DAB1: variants seen among roughly 807,000 people sequenced by gnomAD.
DAB1 encodes disabled homolog 1.
A neutral mutation model predicts 64.6 loss-of-function variants in DAB1; 15 were observed. That is an observed-to-expected ratio of 0.23 (90% CI 0.16 to 0.36). DAB1 has a LOEUF of 0.36. DAB1 is among the 10% of genes least tolerant of loss of function. DAB1 has a pLI of 1.00. For missense variants in DAB1, 596 were observed against 706.7 expected (o/e 0.84, Z 1.78); for synonymous variants, 235 against 251.9 (o/e 0.93, Z 0.64).
At chr1:58,394,841 T>C (rs1569723938) in intron 3 of DAB1, among the ~76,000 whole-genome samples, 1 of 152,176 alleles carries the variant, frequency 6.6e-6, no homozygotes, top group Non-Finnish European at 1.5e-5. Flanking sequence ...CATACTACTG[T>C]ACGTATTTGT....
chr1:57,357,924 G>A (rs1679250905), intron 1 of DAB1, among the ~76,000 whole-genome samples: 1 of 152,016 alleles, frequency 6.6e-6, no homozygotes, highest in South Asian at 2.1e-4. Flanking sequence ...TACAATTCAA[G>A]ATAAGATTTG....
intron 2 of DAB1, among the ~76,000 whole-genome samples, chr1:57,222,194 A>G (rs1468998825): frequency 2.6e-5 from 4 of 152,184 alleles, no homozygotes; most frequent in African/African-American, 7.2e-5. Context: ...AAAAGCTACA[A>G]TGGAACCCAA....
rs1370109680 is a variant in DAB1, at chr1:57,369,275, C to CAT, written c.-137+54653_-137+54654dup. Among the ~76,000 whole-genome samples, 6 of 152,158 alleles carry CAT rather than the reference C, an allele frequency of 3.9e-5. No individual in the cohort carries two copies. The East Asian group carries it at 1.2e-3, about 29-fold the overall frequency. On this transcript the variant is annotated intron_variant, in intron 1 of 14. Transcript: ENST00000371236. The stretch of plus-strand genomic sequence containing the variant: ...CAATGAGAGTAAAAACCCAATAAAC[C>CAT]ATATAATGGGGAAGGACAGGAAGGA...
chr1:57,020,799 T>C (rs1335585563), intron 11 of DAB1, among the ~76,000 whole-genome samples: 2 of 152,240 alleles, frequency 1.3e-5, no homozygotes, highest in South Asian at 2.1e-4. Flanking sequence ...GCAAAGTAAG[T>C]ATTATTTTAC....
intron 7 of DAB1, among the ~76,000 whole-genome samples, chr1:57,568,215 C>T (rs1570635247): frequency 6.6e-6 from 1 of 152,200 alleles, no homozygotes; most frequent in Non-Finnish European, 1.5e-5. Flanking sequence ...GGAAAACTGG[C>T]TAGCCATATG....
intron 4 of DAB1, among the ~76,000 whole-genome samples, chr1:58,228,101 G>T (rs527357993): frequency 8.5e-5 from 13 of 152,274 alleles, no homozygotes; most frequent in African/African-American, 3.1e-4. Flanking sequence ...CTTGGTATCC[G>T]AGATGAAAAA....
At chr1:57,976,499 T>C (rs1645923096) in intron 5 of DAB1, among the ~76,000 whole-genome samples, 1 of 152,202 alleles carries the variant, frequency 6.6e-6, no homozygotes, top group South Asian at 2.1e-4. Context: ...CAGTGAAATA[T>C]TAATAATTTC....
At chr1:57,105,915 G>T (rs1176864157) in intron 4 of DAB1, among the ~76,000 whole-genome samples, 1 of 152,172 alleles carries the variant, frequency 6.6e-6, no homozygotes, top group Admixed American at 6.5e-5. Context: ...CTGACTGTGG[G>T]AAACAGCATG....
intron 13 of DAB1, among the ~76,000 whole-genome samples, 176 bp downstream of exon 13, chr1:57,010,969 C>T (rs1030537030): frequency 2.4e-4 from 36 of 152,182 alleles, no homozygotes; most frequent in African/African-American, 7.7e-4. Context: ...AAAAGGCAGT[C>T]CTTTTCAGCT....
intron 2 of DAB1, chr1:58,506,330 A>G: frequency 1.7e-6 from 1 of 597,546 alleles, no homozygotes; most frequent in Non-Finnish European, 2.9e-6. Flanking sequence ...GTACATGTGC[A>G]CAACGTGCAG....
chr1:57,670,880 T>C (rs1157490572), intron 6 of DAB1, among the ~76,000 whole-genome samples: 1 of 152,114 alleles, frequency 6.6e-6, no homozygotes, highest in Non-Finnish European at 1.5e-5. Flanking sequence ...GGATCTCCCA[T>C]GGATACCAAA....
intron 1 of DAB1, among the ~76,000 whole-genome samples, chr1:57,347,530 T>C (rs1194394264): frequency 6.6e-6 from 1 of 152,224 alleles, no homozygotes; most frequent in Non-Finnish European, 1.5e-5. Context: ...ATTATTCCAA[T>C]GATCCACTTT....
intron 4 of DAB1, among the ~76,000 whole-genome samples, chr1:58,281,075 G>A (rs536674218): frequency 1.3e-5 from 2 of 152,274 alleles, no homozygotes; most frequent in East Asian, 1.9e-4. Flanking sequence ...TGGGGAAGAT[G>A]AGCAAGAAGG....
At chr1:58,039,796 G>A (rs1040609470) in intron 5 of DAB1, among the ~76,000 whole-genome samples, 1 of 151,996 alleles carries the variant, frequency 6.6e-6, no homozygotes, top group African/African-American at 2.4e-5. Flanking sequence ...TCTTTCTACA[G>A]GGATAATAAA....
intron 6 of DAB1, among the ~76,000 whole-genome samples, chr1:57,747,933 T>C (rs2101799782): frequency 6.6e-6 from 1 of 151,884 alleles, no homozygotes; most frequent in South Asian, 2.1e-4. Flanking sequence ...AGCAGGAAGT[T>C]TAAAGACTTG....
Position 58,092,383 on chromosome 1 carries a change from G to A in DAB1, n.387+58128C>T, listed in dbSNP as rs151138256. Among the ~76,000 whole-genome samples the A allele has an allele frequency of 6.8e-3, 1,036 of 151,684 alleles. 6 individuals carry two copies. The highest frequency in any genetic ancestry group is 1.0e-2 in the Non-Finnish European group (678 of 67,936). ...CACTTTCAAGGTAAGTTCTTTCCAT[G>A]CCCAGGGGCTTTGCTTCTCCTCTTC... On this transcript the variant is annotated intron_variant and non_coding_transcript_variant, in intron 5 of 20. Transcript: ENST00000485760.
At chr1:58,084,874 A>G (rs1046121042) in intron 5 of DAB1, among the ~76,000 whole-genome samples, 2 of 151,978 alleles carry the variant, frequency 1.3e-5, no homozygotes, top group Non-Finnish European at 2.9e-5. Context: ...GTCACAAGAA[A>G]TGTGGAAGAA....
At chr1:58,039,435 G>C (rs1169923418) in intron 5 of DAB1, among the ~76,000 whole-genome samples, 1 of 152,198 alleles carries the variant, frequency 6.6e-6, no homozygotes, top group Non-Finnish European at 1.5e-5. Flanking sequence ...GGTGCCTTGA[G>C]TGTGCACCCC....
At chr1:57,824,294 T>TTCACC (rs1421533447), downstream of DAB1, among the ~76,000 whole-genome samples, 1 of 152,032 alleles carries the variant, frequency 6.6e-6, no homozygotes, top group African/African-American at 2.4e-5. Context: ...AGGGTGGGGG[T>TTCACC]TCACCTTCCA....
Sources: gnomAD v4.1 joint callset for allele counts (sites outside exome capture counted in the v4.1 genomes callset) on GRCh38, gnomAD v4.1.1 for gene constraint, MANE v1.5 for transcripts, NCBI Gene and HGNC (gene_info 2026-07-23, HGNC 2026-07-21) for gene names.